The following CHRNA7 variants were observed in gnomAD, a reference collection of about 807,000 sequenced individuals.
CHRNA7 encodes the protein neuronal acetylcholine receptor subunit alpha-7.
Under a neutral mutation model 48.0 loss-of-function variants are expected in CHRNA7, and 17 were observed. The observed-to-expected ratio is 0.35, with a 90% CI of 0.24 to 0.53. The LOEUF (loss-of-function observed/expected upper bound fraction) is 0.53. Among genes scored for constraint, CHRNA7 ranks in the 20% least tolerant of loss-of-function variants. The pLI, the probability that CHRNA7 is intolerant of heterozygous loss-of-function variation, is 0.92. For missense variants in CHRNA7, 155 were observed against 577.7 expected (o/e 0.27, Z 7.50); for synonymous variants, 75 against 242.3 (o/e 0.31, Z 6.41).
intron 2 of CHRNA7, among the ~76,000 whole-genome samples, chr15:32,066,187 T>C (rs992889589): frequency 2.0e-5 from 3 of 152,236 alleles, no homozygotes; most frequent in Non-Finnish European, 2.9e-5. Flanking sequence ...ATACAGACTT[T>C]ACAGAATTAG....
At chr15:32,048,208 T>A (rs2141182341) in intron 2 of CHRNA7, among the ~76,000 whole-genome samples, 1 of 152,344 alleles carries the variant, frequency 6.6e-6, no homozygotes, top group East Asian at 1.9e-4. Flanking sequence ...GGAGATTCCC[T>A]CTTTTTCTGT....
intron 4 of CHRNA7, among the ~76,000 whole-genome samples, chr15:32,145,246 G>A (rs763972461): frequency 8.5e-5 from 13 of 152,184 alleles, no homozygotes; most frequent in Non-Finnish European, 1.6e-4. Context: ...ACCAGCAGAG[G>A]CTGCAGAACA....
chr15:32,032,701 C>G (rs1456253265), intron 2 of CHRNA7, among the ~76,000 whole-genome samples: 1 of 152,144 alleles, frequency 6.6e-6, no homozygotes, highest in Non-Finnish European at 1.5e-5. Context: ...ACAGCTGTCT[C>G]TCTTGGAGTG....
intron 2 of CHRNA7, among the ~76,000 whole-genome samples, chr15:32,063,381 T>C (rs1000663979): frequency 6.6e-6 from 1 of 152,222 alleles, no homozygotes; most frequent in Admixed American, 6.5e-5. Flanking sequence ...TGACACATAA[T>C]TGTCCTTGTG....
chr15:32,030,934 A>G lies in CHRNA7; in HGVS notation c.92A>G (p.Lys31Arg), dbSNP rs995940752. The change falls in exon 2 of 10, where the codon AAG becomes AGG. Residue 31 changes from lysine to arginine, a missense_variant. Physicochemically the swap from Lys to Arg is conservative, Grantham distance 26. Transcript: ENST00000306901. Reference protein sequence around the residue: ...LQGEFQRKLYKELVKNYNPLE... With the variant: ...LQGEFQRKLYRELVKNYNPLE... ...GGCGAGTTCCAGAGGAAGCTTTACA[A>G]GGAGCTGGTCAAGAACTACAATCCC... The G allele has an allele frequency of 3.1e-6, 5 of 1,614,132 alleles. No individual in the cohort carries two copies. The highest frequency in any genetic ancestry group is 4.2e-6 in the Non-Finnish European group (5 of 1,179,996).
chr15:32,149,041 A>T lies in CHRNA7; in HGVS notation c.351-4866A>T, dbSNP rs114465670. Among the ~76,000 whole-genome samples the T allele has an allele frequency of 0.017, 2,617 of 152,190 alleles. 63 individuals carry two copies. Among genetic ancestry groups the T allele is most frequent in the African/African-American group, 0.059 (2,441 of 41,526 alleles). On this transcript the variant is annotated intron_variant, in intron 4 of 9. Transcript: ENST00000306901. This position sits in a 1 kb window ranked among gnomAD's most constrained non-coding sequence, Gnocchi z 4.6. ...GAGGGTAGGGCTCAGAGCTCTCCTC[A>T]CACCAAGAGTGGGCCCCAGTCATTG... is the stretch of plus-strand genomic sequence containing the variant.
intron 9 of CHRNA7, chr15:32,166,202 TCA>T (rs2052127645): frequency 6.6e-6 from 1 of 152,200 alleles, no homozygotes. Context: ...TCTTTGAACC[TCA>T]GTTTGTTGGT....
intron 4 of CHRNA7, among the ~76,000 whole-genome samples, chr15:32,135,544 G>C (rs2051240799): frequency 6.6e-6 from 1 of 152,208 alleles, no homozygotes; most frequent in Non-Finnish European, 1.5e-5. Flanking sequence ...GCGCACAGTG[G>C]CAAAGCAGCT....
chr15:32,099,785 G>A (rs563893655), intron 2 of CHRNA7: 20 of 152,230 alleles, frequency 1.3e-4, no homozygotes, highest in African/African-American at 4.8e-4. Context: ...GGATAGCTCT[G>A]TTGGGGATCA....
intron 2 of CHRNA7, among the ~76,000 whole-genome samples, chr15:32,080,862 T>C (rs1034323178): frequency 1.1e-4 from 17 of 152,212 alleles, no homozygotes; most frequent in Admixed American, 3.3e-4. Context: ...ATTGTAGCAC[T>C]ATTCACAATA....
intron 5 of CHRNA7, among the ~76,000 whole-genome samples, chr15:32,154,998 A>G (rs1195829449): frequency 2.8e-5 from 1 of 35,524 alleles, no homozygotes; most frequent in African/African-American, 1.5e-4. Flanking sequence ...CCCACACACC[A>G]CTCACCACTC....
intron 2 of CHRNA7, among the ~76,000 whole-genome samples, chr15:32,044,129 A>G (rs1332489354): frequency 6.6e-6 from 1 of 152,148 alleles, no homozygotes; most frequent in Non-Finnish European, 1.5e-5. Context: ...CAGTTTTGCT[A>G]TGATAAGAAT....
chr15:32,135,184 T>C (rs1042138225), intron 4 of CHRNA7, among the ~76,000 whole-genome samples: 1 of 152,190 alleles, frequency 6.6e-6, no homozygotes, highest in Admixed American at 6.5e-5. Flanking sequence ...GGATAGGTGC[T>C]CCCATACACA....
intron 2 of CHRNA7, among the ~76,000 whole-genome samples, chr15:32,091,301 G>A (rs919381427): frequency 1.3e-5 from 2 of 152,028 alleles, no homozygotes; most frequent in South Asian, 4.2e-4. Context: ...TTTTGATCAG[G>A]AGGGTATAAT....
At chr15:32,079,432 C>T (rs765200162) in intron 2 of CHRNA7, among the ~76,000 whole-genome samples, 1 of 152,126 alleles carries the variant, frequency 6.6e-6, no homozygotes, top group Non-Finnish European at 1.5e-5. Context: ...TCTCCTTAAG[C>T]TGATAAGAAA....
At chr15:32,140,239 A>G (rs1196341068) in intron 4 of CHRNA7, among the ~76,000 whole-genome samples, 2 of 152,178 alleles carry the variant, frequency 1.3e-5, no homozygotes, top group Non-Finnish European at 2.9e-5. Context: ...ATGTGCCTGC[A>G]AAGGACATGA....
chr15:32,097,948 G>A (rs1001155407), intron 2 of CHRNA7, among the ~76,000 whole-genome samples: 2 of 152,224 alleles, frequency 1.3e-5, no homozygotes, highest in Admixed American at 1.3e-4. Context: ...CTTCCCTCCT[G>A]GGGTGAGGAA....
At chr15:32,126,356 T>G (rs1161223953) in intron 4 of CHRNA7, among the ~76,000 whole-genome samples, 2 of 152,200 alleles carry the variant, frequency 1.3e-5, no homozygotes, top group Non-Finnish European at 2.9e-5. Flanking sequence ...GTTTGTAGTT[T>G]GCATTTATTT....
chr15:32,093,448 C>T (rs559283303), intron 2 of CHRNA7, among the ~76,000 whole-genome samples: 8 of 152,328 alleles, frequency 5.3e-5, no homozygotes, highest in Non-Finnish European at 1.0e-4. Flanking sequence ...GTCCACCCAG[C>T]GAGAACCAAG....
Sources: allele counts gnomAD v4.1 joint callset (sites outside exome capture counted in the v4.1 genomes callset), GRCh38; gene constraint gnomAD v4.1.1; non-coding constraint Gnocchi (gnomAD v3.1); transcripts MANE v1.5; gene names NCBI Gene and HGNC (gene_info 2026-07-23, HGNC 2026-07-21).